VPS13A: variants seen among roughly 807,000 people sequenced by gnomAD.
VPS13A encodes the protein vacuolar protein sorting 13 homolog A, also known as intermembrane lipid transfer protein VPS13A.
In VPS13A, 264 loss-of-function variants were observed where a neutral mutation model predicts 390.9. That is an observed-to-expected ratio of 0.68 (90% CI 0.61 to 0.75). The LOEUF is 0.75. VPS13A is among the 30% of genes least tolerant of loss of function. VPS13A has a pLI of 0.00. For missense variants in VPS13A, 3,409 were observed against 3,733.9 expected (o/e 0.91, Z 2.27); for synonymous variants, 1,231 against 1,227.1 (o/e 1.00, Z -0.07).
intron 23 of VPS13A, among the ~76,000 whole-genome samples, chr9:77,272,110 T>A (rs1365654196): frequency 6.6e-6 from 1 of 152,156 alleles, no homozygotes; most frequent in Non-Finnish European, 1.5e-5. Context: ...CAAACACAAA[T>A]AACCAAGGAA....
At chr9:77,201,318 A>T (rs780764326) in intron 2 of VPS13A, 47 bp from the exon 3 acceptor site, 1 of 1,351,052 alleles carries the variant, frequency 7.4e-7, no homozygotes, top group Admixed American at 1.7e-5. Context: ...ATGTTGTTAA[A>T]CTCTATATCT....
At chr9:77,227,107 T>A (rs1161699242) in intron 15 of VPS13A, among the ~76,000 whole-genome samples, 1 of 152,184 alleles carries the variant, frequency 6.6e-6, no homozygotes, top group African/African-American at 2.4e-5. Flanking sequence ...TTATACTAAA[T>A]GTGTTGATTA....
chr9:77,298,562 T>C (rs1285566548), intron 33 of VPS13A, among the ~76,000 whole-genome samples: 3 of 152,238 alleles, frequency 2.0e-5, no homozygotes, highest in Admixed American at 6.5e-5. Flanking sequence ...TATTTTGTAT[T>C]TGGAATCCAA....
At chr9:77,386,655 A>G (rs909247809) in intron 68 of VPS13A, among the ~76,000 whole-genome samples, 10 of 151,778 alleles carry the variant, frequency 6.6e-5, no homozygotes, top group African/African-American at 2.2e-4. Context: ...TTAGAGTTTC[A>G]TCATTCTTCA....
intron 1 of VPS13A, among the ~76,000 whole-genome samples, chr9:77,182,101 C>A (rs1339835233): frequency 6.6e-6 from 1 of 151,860 alleles, no homozygotes; most frequent in Non-Finnish European, 1.5e-5. Context: ...TTTTCTTTTT[C>A]TTTTCTTTTT....
Position 77,206,117 on chromosome 9 carries a change from G to T in VPS13A, c.385+38G>T, listed in dbSNP as rs1825625932. 2.3e-6 allele frequency: 3 copies of T among 1,331,084 alleles called. No individual in the cohort carries two copies. In the African/African-American group the frequency reaches 4.4e-5, roughly 19 times the overall value. 82.5% of individuals were successfully genotyped at this position (1,331,084 alleles called of 1,614,324 possible). ...GTAAATAACAATGCTAATAAGAGAA[G>T]TAGAAAAGACCTAAATATTTATCAT... On this transcript the variant is annotated intron_variant, in intron 5 of 71. Coordinates refer to ENST00000360280, the MANE Select transcript of VPS13A (RefSeq NM_033305.3).
Position 77,382,997 on chromosome 9 carries a change from T to G in VPS13A, c.9189+910T>G, listed in dbSNP as rs977120126. ...GGAATACTAAATTAAATCATTTGTT[T>G]GAAAACAAACAAGGAATCATTATGT... On this transcript the variant is annotated intron_variant, in intron 68 of 71. Coordinates refer to ENST00000360280, the MANE Select transcript of VPS13A (RefSeq NM_033305.3). The G allele has an allele frequency of 3.0e-5, 30 of 985,152 alleles. No homozygotes were observed. In the African/African-American group the frequency reaches 4.9e-4, roughly 16 times the overall value. The allele number at this position is 985,152 out of a possible 1,614,324, so 61.0% of individuals were successfully genotyped here. A position where few individuals can be genotyped will look rare whatever the true frequency, so the allele number is the denominator to read the frequency against.
intron 13 of VPS13A, 25 bp downstream of exon 13, chr9:77,221,381 G>A (rs1390260212): frequency 6.2e-7 from 1 of 1,610,652 alleles, no homozygotes; most frequent in Non-Finnish European, 8.5e-7. Flanking sequence ...TGAAATTGTT[G>A]AGTGTTTTAT....
intron 45 of VPS13A, among the ~76,000 whole-genome samples, chr9:77,327,027 T>A (rs1830050625): frequency 2.0e-5 from 3 of 152,186 alleles, no homozygotes; most frequent in Admixed American, 2.0e-4. Context: ...TCAGATCTTG[T>A]CTCTTCAACT....
Position 77,318,553 on chromosome 9 carries a change from AG to A in VPS13A, c.5276del (p.Ser1759IlefsTer3). 6.2e-7 allele frequency: 1 copy of A among 1,613,894 alleles called. No homozygotes were observed. Among genetic ancestry groups the A allele is most frequent in the Non-Finnish European group, 8.5e-7 (1 of 1,179,900 alleles). On this transcript the variant is annotated frameshift_variant, in exon 41 of 72. Coordinates refer to ENST00000360280, the MANE Select transcript of VPS13A (RefSeq NM_033305.3). LOFTEE classifies it high-confidence loss of function. ...SRFSGEGKNW[S>X]SLINLHCQLE... is the part of the protein sequence containing the mutation. Reference sequence around the variant, plus strand: ...TTTTTCAGGGGAAGGCAAAAACTGGAGTTCCCTAATAAATCTGCACTGTCAG... The same window carrying A: ...TTTTTCAGGGGAAGGCAAAAACTGGATTCCCTAATAAATCTGCACTGTCAG...
chr9:77,315,176 GTC>G (rs2131429572), intron 37 of VPS13A, 75 bp from the exon 38 acceptor site: 1 of 1,267,080 alleles, frequency 7.9e-7, no homozygotes, highest in East Asian at 2.4e-5. Flanking sequence ...GAGATAAGAG[GTC>G]TTTGAGTTTT....
chr9:77,357,147 T>C (rs1056954149), intron 55 of VPS13A, among the ~76,000 whole-genome samples: 19 of 151,570 alleles, frequency 1.3e-4, no homozygotes, highest in African/African-American at 4.6e-4. Context: ...TGGCAAACCC[T>C]GTCTCTGCTA....
chr9:77,406,273 G>A (rs1834603603), intron 70 of VPS13A, among the ~76,000 whole-genome samples: 1 of 152,162 alleles, frequency 6.6e-6, no homozygotes, highest in Non-Finnish European at 1.5e-5. Context: ...ATAATGGATA[G>A]TGGCTATTAG....
chr9:77,303,797 A>T (rs1194095956), intron 34 of VPS13A, among the ~76,000 whole-genome samples: 6 of 152,202 alleles, frequency 3.9e-5, no homozygotes. Flanking sequence ...AGTGGAGTAA[A>T]GAATAACAAA....
intron 3 of VPS13A, among the ~76,000 whole-genome samples, chr9:77,204,599 A>G (rs1170419816): frequency 2.6e-5 from 4 of 152,194 alleles, no homozygotes; most frequent in Non-Finnish European, 4.4e-5. Flanking sequence ...AAAAATATAC[A>G]TACACACACT....
intron 34 of VPS13A, among the ~76,000 whole-genome samples, chr9:77,306,567 G>GT (rs890558208): frequency 6.6e-6 from 1 of 151,942 alleles, no homozygotes; most frequent in Non-Finnish European, 1.5e-5. Flanking sequence ...CAGGGAAGAG[G>GT]TAGTGTTGGA....
chr9:77,414,678 A>G (rs929915518), intron 71 of VPS13A, among the ~76,000 whole-genome samples: 2 of 151,856 alleles, frequency 1.3e-5, no homozygotes, highest in African/African-American at 2.4e-5. Context: ...AACATGGCAC[A>G]TATATACATA....
At chr9:77,273,473 T>A (rs1012001728) in intron 24 of VPS13A, 109 bp downstream of exon 24, 2 of 913,384 alleles carry the variant, frequency 2.2e-6, no homozygotes, top group African/African-American at 3.4e-5. Flanking sequence ...TATCTTTTCC[T>A]TTTAAAATCT....
rs200621380 is a variant in VPS13A, at chr9:77,238,372, G to C, written c.1886G>C (p.Ser629Thr). 3.7e-5 allele frequency: 60 copies of C among 1,613,324 alleles called. No individual in the cohort carries two copies. The African/African-American group carries it at 6.5e-4, about 18-fold the overall frequency. The change falls in exon 19 of 72, where the codon AGT (serine) becomes ACT (threonine). Residue 629 changes from serine (S) to threonine (T), a missense_variant. Transcript: ENST00000360280. Reference sequence around the variant, plus strand: ...TTGACAAAACTGGAAGAATTTCGCAGTAAGACAGCAACAGGTAAATGCCAA... The same window carrying C: ...TTGACAAAACTGGAAGAATTTCGCACTAAGACAGCAACAGGTAAATGCCAA... ...ATLTKLEEFR[S>T]KTATGLLYII...
Sources: allele counts gnomAD v4.1 joint callset (sites outside exome capture counted in the v4.1 genomes callset), GRCh38; gene constraint gnomAD v4.1.1; transcripts MANE v1.5; gene names NCBI Gene and HGNC (gene_info 2026-07-23, HGNC 2026-07-21).